The following SCFD2 variants were observed in gnomAD, a reference collection of about 807,000 sequenced individuals.
The protein encoded by SCFD2 is sec1 family domain containing 2.
SCFD2 carries 54 observed loss-of-function variants against 58.9 expected under a neutral mutation model. That is an observed-to-expected ratio of 0.92 (90% CI 0.74 to 1.15). SCFD2 has a LOEUF of 1.15. SCFD2 is among the 50% of genes most tolerant of loss of function. The pLI is 0.00. For missense variants in SCFD2, 805 were observed against 836.6 expected, an observed-to-expected ratio of 0.96 and a Z score of 0.47; for synonymous variants, 321 against 335.9, an observed-to-expected ratio of 0.96 and a Z score of 0.49.
intron 5 of SCFD2, among the ~76,000 whole-genome samples, chr4:52,995,370 C>T (rs1254809943): frequency 6.6e-6 from 1 of 152,202 alleles, no homozygotes; most frequent in East Asian, 1.9e-4. Context: ...TGCTCCCTTG[C>T]CCACTGCTCA....
At chr4:53,300,182 G>C (rs1732224219) in intron 3 of SCFD2, among the ~76,000 whole-genome samples, 1 of 152,148 alleles carries the variant, frequency 6.6e-6, no homozygotes, top group Admixed American at 6.5e-5. Flanking sequence ...AGACCCATCA[G>C]TATGCTGTAT....
At chr4:53,055,173 T>C (rs1723288462) in intron 5 of SCFD2, among the ~76,000 whole-genome samples, 1 of 152,200 alleles carries the variant, frequency 6.6e-6, no homozygotes. Flanking sequence ...ATGGCAGCCC[T>C]TTGAAGGTCT....
At chr4:52,989,528 A>G (rs1399614308) in intron 5 of SCFD2, among the ~76,000 whole-genome samples, 1 of 152,246 alleles carries the variant, frequency 6.6e-6, no homozygotes, top group Non-Finnish European at 1.5e-5. Context: ...CATTTTAAAT[A>G]CAATGCAAAG....
chr4:53,117,132 A>G (rs1725347016), intron 5 of SCFD2, among the ~76,000 whole-genome samples: 1 of 152,148 alleles, frequency 6.6e-6, no homozygotes, highest in African/African-American at 2.4e-5. Context: ...TGGAAACTTG[A>G]GGGAATTCCA....
At chr4:53,055,358 G>A (rs1270325833) in intron 5 of SCFD2, among the ~76,000 whole-genome samples, 1 of 152,230 alleles carries the variant, frequency 6.6e-6, no homozygotes, top group African/African-American at 2.4e-5. Context: ...ACATAATGGT[G>A]GACGACAGGC....
At chr4:53,023,326 T>A (rs1393288241) in intron 5 of SCFD2, among the ~76,000 whole-genome samples, 1 of 152,178 alleles carries the variant, frequency 6.6e-6, no homozygotes, top group African/African-American at 2.4e-5. Context: ...ATTCCAAAAC[T>A]GCACTTTGGA....
intron 3 of SCFD2, among the ~76,000 whole-genome samples, chr4:53,279,247 T>A (rs1731433723): frequency 6.6e-6 from 1 of 152,192 alleles, no homozygotes; most frequent in African/African-American, 2.4e-5. Flanking sequence ...ATATAGCAAC[T>A]TTTTAAAATT....
intron 5 of SCFD2, among the ~76,000 whole-genome samples, chr4:53,104,605 A>G (rs1724931387): frequency 6.6e-6 from 1 of 152,240 alleles, no homozygotes; most frequent in Admixed American, 6.5e-5. Context: ...GTACCATACT[A>G]ACGTAAGATG....
chr4:53,077,045 T>C (rs1479657037), intron 5 of SCFD2, among the ~76,000 whole-genome samples: 1 of 152,210 alleles, frequency 6.6e-6, no homozygotes, highest in Non-Finnish European at 1.5e-5. Flanking sequence ...ACTTGCATTG[T>C]ATTTTCTTCC....
chr4:53,318,855 C>T (rs1732941954), intron 2 of SCFD2, among the ~76,000 whole-genome samples: 1 of 152,030 alleles, frequency 6.6e-6, no homozygotes, highest in Admixed American at 6.6e-5. Flanking sequence ...ATTTACAAAA[C>T]TTCTTATATC....
chr4:53,162,050 T>C lies in SCFD2; in HGVS notation c.1312-16468A>G, dbSNP rs1726868917. Among the ~76,000 whole-genome samples the C allele has an allele frequency of 3.3e-5, 5 of 152,172 alleles. No individual in the cohort carries two copies. In the South Asian group the frequency reaches 8.3e-4, roughly 25 times the overall value. On this transcript the variant is annotated intron_variant, in intron 4 of 8. Coordinates refer to ENST00000401642, the MANE Select transcript of SCFD2 (RefSeq NM_152540.4). ...CTCCAGCCAGTGCCAACTCAACATG[T>C]CCACTCTTTGCTTGAGCTCTTGGTA...
At chr4:53,336,931 A>C (rs1043779499) in intron 2 of SCFD2, among the ~76,000 whole-genome samples, 2 of 152,246 alleles carry the variant, frequency 1.3e-5, no homozygotes, top group African/African-American at 4.8e-5. Flanking sequence ...AAAGAAAAAA[A>C]GAGAGAAAAT....
At chr4:53,236,778 G>C (rs556601575) in intron 4 of SCFD2, among the ~76,000 whole-genome samples, 1 of 150,032 alleles carries the variant, frequency 6.7e-6, no homozygotes, top group South Asian at 2.1e-4. Context: ...AGGATAATCT[G>C]TCATGATTTC....
At chr4:53,278,378 A>C (rs1478044039) in intron 3 of SCFD2, among the ~76,000 whole-genome samples, 1 of 151,694 alleles carries the variant, frequency 6.6e-6, no homozygotes, top group Non-Finnish European at 1.5e-5. Context: ...AAAAAAGAAA[A>C]AAGAAAGAGA....
intron 4 of SCFD2, among the ~76,000 whole-genome samples, chr4:53,193,777 G>C (rs535642891): frequency 4.6e-5 from 7 of 152,140 alleles, no homozygotes; most frequent in Admixed American, 2.0e-4. Flanking sequence ...TTCTATCACC[G>C]TTGTTTTTAA....
At chr4:53,044,904 C>CA (rs1722995163) in intron 5 of SCFD2, among the ~76,000 whole-genome samples, 2 of 21,116 alleles carry the variant, frequency 9.5e-5, no homozygotes, top group Non-Finnish European at 2.0e-4. Flanking sequence ...CCTCCACCCC[C>CA]AACCCCCCCC....
intron 4 of SCFD2, among the ~76,000 whole-genome samples, chr4:53,163,316 TCTCTCACTTTGGTC>T: frequency 6.6e-6 from 1 of 152,320 alleles, no homozygotes; most frequent in South Asian, 2.1e-4. Flanking sequence ...TATTTTCCTT[TCTCTCACTTTGGTC>T]CTCCCACATC....
chr4:53,282,458 C>T (rs1036012803), intron 3 of SCFD2, among the ~76,000 whole-genome samples: 5 of 151,782 alleles, frequency 3.3e-5, no homozygotes, highest in Non-Finnish European at 7.4e-5. Flanking sequence ...CTTTAATATC[C>T]GAGGGCCCTT....
chr4:53,252,956 AC>A (rs1420612183), intron 4 of SCFD2, among the ~76,000 whole-genome samples: 1 of 152,230 alleles, frequency 6.6e-6, no homozygotes, highest in Non-Finnish European at 1.5e-5. Flanking sequence ...CAGGCAGCCT[AC>A]AAAATGGGAG....
Sources: gnomAD v4.1 joint callset for allele counts (sites outside exome capture counted in the v4.1 genomes callset) on GRCh38, gnomAD v4.1.1 for gene constraint, MANE v1.5 for transcripts, NCBI Gene and HGNC (gene_info 2026-07-23, HGNC 2026-07-21) for gene names.